IRAG2: variants seen among roughly 807,000 people sequenced by gnomAD.
The protein encoded by IRAG2 is lymphoid restricted membrane protein.
In IRAG2, 45 loss-of-function variants were observed where a neutral mutation model predicts 69.9. The observed-to-expected ratio is 0.64, with a 90% confidence interval of 0.51 to 0.83. IRAG2 has a LOEUF of 0.83. IRAG2 is among the 40% of genes least tolerant of loss of function. The pLI is 0.00. For missense variants in IRAG2, 520 were observed against 587.0 expected (o/e 0.89, Z 1.18); for synonymous variants, 193 against 202.4 (o/e 0.95, Z 0.40).
At chr12:24,999,308 C>A in the IRAG2 span, among the ~76,000 whole-genome samples, 3 of 152,086 alleles carry the variant, frequency 2.0e-5, no homozygotes, top group Non-Finnish European at 2.9e-5. Context: ...AGAATCAAAT[C>A]GGACTTGTTT....
rs780432586 is a variant in IRAG2 at position 25,090,035 on chromosome 12, C to T, written c.466-22C>T. The T allele has an allele frequency of 5.0e-6, 8 of 1,611,268 alleles. No individual in the cohort carries two copies. In the East Asian group the frequency reaches 1.6e-4, roughly 31 times the overall value. ...TCCGGTTTTCTCTCCTCTTCCTCAC[C>T]CTCACATTATTTTGACAACAGGCAG... On this transcript the variant is annotated intron_variant, in intron 13 of 21. Transcript: ENST00000556887.
intron 3 of IRAG2, among the ~76,000 whole-genome samples, chr12:25,013,229 C>CTA: frequency 6.6e-6 from 1 of 152,180 alleles, no homozygotes; most frequent in African/African-American, 2.4e-5. Flanking sequence ...GTAATCCCAG[C>CTA]ACTTTGGAAG....
Position 25,089,601 on chromosome 12 carries a change from T to G in IRAG2, c.374-13T>G. On this transcript the variant is annotated splice_polypyrimidine_tract_variant and intron_variant, in intron 11 of 21. Coordinates refer to ENST00000556887, the MANE Select transcript of IRAG2 (RefSeq NM_001366544.2). Reference sequence around the variant, plus strand: ...CCTTTTTAACCAAATAATATTTTATTATATTTTAATAGACTCTGTGGTTTC... The same window carrying G: ...CCTTTTTAACCAAATAATATTTTATGATATTTTAATAGACTCTGTGGTTTC... The G allele has an allele frequency of 6.6e-7, 1 of 1,511,598 alleles. No individual in the cohort carries two copies. Among genetic ancestry groups the G allele is most frequent in the Non-Finnish European group, 9.1e-7 (1 of 1,104,876 alleles). 93.6% of individuals were successfully genotyped at this position (1,511,598 alleles called of 1,614,324 possible). A position where few individuals can be genotyped will look rare whatever the true frequency, so the allele number is the denominator to read the frequency against.
rs1030004622 is a variant in IRAG2, at chr12:25,017,423, G to T, written c.1214+131G>T. On this transcript the variant is annotated intron_variant, in intron 6 of 38. Coordinates refer to the IRAG2 transcript ENST00000636465. Reference sequence around the variant, plus strand: ...TAAAGTATACAATTCAGTGTTTTTAGAGTATATTCTCTGGCTGGGCATGGT... The same window carrying T: ...TAAAGTATACAATTCAGTGTTTTTATAGTATATTCTCTGGCTGGGCATGGT... 35 of 917,504 alleles carry T rather than the reference G, an allele frequency of 3.8e-5. No homozygotes were observed. In the African/African-American group the frequency reaches 4.7e-4, roughly 12 times the overall value. 56.8% of individuals were successfully genotyped at this position (917,504 alleles called of 1,614,324 possible).
intron 20 of IRAG2, among the ~76,000 whole-genome samples, chr12:25,106,433 ATAT>A (rs1332743912): frequency 7.6e-6 from 1 of 131,790 alleles, no homozygotes; most frequent in Non-Finnish European, 1.6e-5. Context: ...TAATATGCAT[ATAT>A]TATATGTAGA....
Position 25,090,164 on chromosome 12 carries a change from G to A in IRAG2, c.573G>A (p.Lys191=), listed in dbSNP as rs184391721. ...GTGACTTGGCAGAAGAAAATTTGAA[G>A]AAAGAAATCACTAACTGTTTAAAAC... ...RSRDLAEENL[K]KEITNCLKLL... The change falls in exon 14 of 22, where the codon AAG becomes AAA. Residue 191 remains lysine (K), a synonymous_variant. Coordinates refer to ENST00000556887, the MANE Select transcript of IRAG2 (RefSeq NM_001366544.2). 8 of 1,613,886 alleles carry A rather than the reference G, an allele frequency of 5.0e-6. No homozygotes were observed. The highest frequency in any genetic ancestry group is 1.7e-5 in the Admixed American group (1 of 60,004).
chr12:25,041,651 C>T (rs761210547), intron 16 of IRAG2, among the ~76,000 whole-genome samples: 8 of 147,766 alleles, frequency 5.4e-5, no homozygotes, highest in East Asian at 2.0e-4. Flanking sequence ...CGCTATGCTC[C>T]GCTAAGTTTT....
At chr12:25,000,373 G>C (rs1944382663), upstream of IRAG2, among the ~76,000 whole-genome samples, 1 of 152,206 alleles carries the variant, frequency 6.6e-6, no homozygotes, top group Admixed American at 6.5e-5. Context: ...CCTGAGCCTG[G>C]GAGGTGGAGG....
At chr12:25,097,079 T>C (rs1321970147) in intron 15 of IRAG2, 35 bp downstream of exon 15, 8 of 1,552,970 alleles carry the variant, frequency 5.2e-6, no homozygotes, top group Non-Finnish European at 6.1e-6. Context: ...TAGAATGAAA[T>C]TACAAAAAAG....
In IRAG2 at chr12:25,079,308, G is replaced by C. The variant is rs750273587; in HGVS notation, c.71+18G>C. Reference sequence around the variant, plus strand: ...CAGTCCAGGTTTGCTTGTTTGTGTTGTGTGTGTGAATTTGTATGCATATTT... The same window carrying C: ...CAGTCCAGGTTTGCTTGTTTGTGTTCTGTGTGTGAATTTGTATGCATATTT... On this transcript the variant is annotated intron_variant, in intron 7 of 21. Coordinates refer to ENST00000556887, the MANE Select transcript of IRAG2 (RefSeq NM_001366544.2). The C allele has an allele frequency of 6.2e-7, 1 of 1,612,982 alleles. No individual in the cohort carries two copies.
chr12:25,090,286 G>A, intron 14 of IRAG2, 89 bp downstream of exon 14: 2 of 1,269,342 alleles, frequency 1.6e-6, no homozygotes, highest in Non-Finnish European at 1.1e-6. Context: ...GGGAGGCCAA[G>A]GCAGGAGGAT....
At chr12:25,102,169 A>G in intron 16 of IRAG2, 29 bp from the exon 17 acceptor site, 1 of 1,601,410 alleles carries the variant, frequency 6.2e-7, no homozygotes. Flanking sequence ...TGTAATAGCT[A>G]AAATGTGTCA....
chr12:25,082,046 C>T (rs75538175), intron 9 of IRAG2, among the ~76,000 whole-genome samples: 10,151 of 151,976 alleles, frequency 0.067, 346 homozygotes, highest in Middle Eastern at 0.11. Context: ...GGGTGCAAGC[C>T]ACCACATTTG....
intron 16 of IRAG2, among the ~76,000 whole-genome samples, chr12:25,042,629 C>A (rs1267782645): frequency 6.6e-6 from 1 of 152,016 alleles, no homozygotes; most frequent in African/African-American, 2.4e-5. Flanking sequence ...CCATGCCCAG[C>A]TAATTTTTTG....
exon 9 of IRAG2, chr12:25,026,831 A>T (rs1944625747): frequency 1.4e-5 from 17 of 1,229,854 alleles, no homozygotes; most frequent in Non-Finnish European, 1.6e-5. Context: ...GGAAAAGAAG[A>T]TTGAAGACTT....
chr12:25,024,861 A>G (rs1003351358), intron 8 of IRAG2, among the ~76,000 whole-genome samples: 2 of 152,232 alleles, frequency 1.3e-5, no homozygotes, highest in African/African-American at 2.4e-5. Context: ...ACACGTATCA[A>G]AGAATTGTAC....
At chr12:25,063,261 C>T (rs1565547993) in intron 3 of IRAG2, among the ~76,000 whole-genome samples, 2 of 152,156 alleles carry the variant, frequency 1.3e-5, no homozygotes, top group African/African-American at 4.8e-5. Flanking sequence ...TGGGGTTTCC[C>T]CATGTTGGCC....
intron 10 of IRAG2, among the ~76,000 whole-genome samples, chr12:25,086,154 G>C (rs1367814453): frequency 6.6e-6 from 1 of 152,172 alleles, no homozygotes; most frequent in East Asian, 1.9e-4. Context: ...TTGTGGGACT[G>C]GTTAGGATAC....
intron 10 of IRAG2, among the ~76,000 whole-genome samples, chr12:25,085,697 T>C (rs903263774): frequency 7.0e-6 from 1 of 143,716 alleles, no homozygotes; most frequent in Non-Finnish European, 1.5e-5. Context: ...GAGCCCTCAC[T>C]GGGGACCCCG....
Sources: gnomAD v4.1 joint callset for allele counts (sites outside exome capture counted in the v4.1 genomes callset) on GRCh38, gnomAD v4.1.1 for gene constraint, MANE v1.5 for transcripts, NCBI Gene and HGNC (gene_info 2026-07-23, HGNC 2026-07-21) for gene names.